CDH13: variants seen among roughly 807,000 people sequenced by gnomAD.
CDH13 encodes cadherin-13.
CDH13 carries 24 observed loss-of-function variants against 63.8 expected under a neutral mutation model. That is an observed-to-expected ratio of 0.38 (90% CI 0.27 to 0.53). CDH13 has a LOEUF of 0.53. Ranked by LOEUF, CDH13 falls within the 20% of genes least tolerant of loss-of-function variation. The pLI, the probability that CDH13 is intolerant of heterozygous loss-of-function variation, is 0.85. For missense variants in CDH13, 1,049 were observed against 903.1 expected, an observed-to-expected ratio of 1.16 and a Z score of -2.07; for synonymous variants, 503 against 355.3, an observed-to-expected ratio of 1.42 and a Z score of -4.67.
intron 6 of CDH13, among the ~76,000 whole-genome samples, chr16:83,410,501 C>G (rs1279095907): frequency 6.6e-6 from 1 of 152,028 alleles, no homozygotes; most frequent in East Asian, 1.9e-4. Flanking sequence ...AGGTTACTGG[C>G]AAATAGCATT....
At chr16:83,066,150 A>T (rs2031992260) in intron 3 of CDH13, among the ~76,000 whole-genome samples, 1 of 152,222 alleles carries the variant, frequency 6.6e-6, no homozygotes, top group Admixed American at 6.5e-5. Flanking sequence ...TGAAATTTGA[A>T]TGTGGCACCT....
rs148011270 is a variant in CDH13, at chr16:83,405,426, G to T, written c.781+60420G>T. ...AAGGGTCCTTATAAGAGGCTCACCA[G>T]TGGTCAGAGAGGAAAGGTGATGTTG... On this transcript the variant is annotated intron_variant, in intron 6 of 13. Transcript: ENST00000567109. Among the ~76,000 whole-genome samples, 254 of 152,350 alleles carry T rather than the reference G, an allele frequency of 1.7e-3. 1 individual carries two copies. The highest frequency in any genetic ancestry group is 3.2e-3 in the Non-Finnish European group (216 of 68,040).
At chr16:83,063,134 G>A (rs1198383847) in intron 3 of CDH13, among the ~76,000 whole-genome samples, 2 of 152,020 alleles carry the variant, frequency 1.3e-5, no homozygotes, top group South Asian at 2.1e-4. Flanking sequence ...GCTAATTTTT[G>A]TATTTTTAGT....
At chr16:83,227,248 C>T (rs759519146) in intron 5 of CDH13, among the ~76,000 whole-genome samples, 1 of 152,190 alleles carries the variant, frequency 6.6e-6, no homozygotes, top group Admixed American at 6.5e-5. Context: ...CCCTCTGACA[C>T]CTGTAGCACT....
chr16:83,184,580 C>G (rs2038455283), intron 4 of CDH13, among the ~76,000 whole-genome samples: 1 of 152,092 alleles, frequency 6.6e-6, no homozygotes, highest in Non-Finnish European at 1.5e-5. Flanking sequence ...CATGGTGAAA[C>G]CTCTCCTCTA....
At chr16:82,657,060 C>A (rs1408015500) in intron 1 of CDH13, among the ~76,000 whole-genome samples, 2 of 151,812 alleles carry the variant, frequency 1.3e-5, no homozygotes, top group East Asian at 1.9e-4. Context: ...ATTTGTGTTT[C>A]CTCATATAGA....
At position 83,652,600 on chromosome 16, in the gene CDH13, T is replaced by C. The variant is rs534055696; in HGVS notation, c.1102-18190T>C. On this transcript the variant is annotated intron_variant, in intron 8 of 13. Transcript: ENST00000567109. ...CCCTCTTTACTGGCCCCTCATGCCATTCACAAAGCAAGCCCTCATTCTCAA... is the reference window on the plus strand; with the variant it reads ...CCCTCTTTACTGGCCCCTCATGCCACTCACAAAGCAAGCCCTCATTCTCAA... 7.9e-5 allele frequency among the ~76,000 whole-genome samples: 12 copies of C among 152,260 alleles called. No individual in the cohort carries two copies. In the South Asian group the frequency reaches 2.5e-3, roughly 32 times the overall value.
rs1178451663 is a variant in CDH13 at position 83,678,243 on chromosome 16, G to A, written c.1320G>A (p.Leu440=). ...ATGAAATTTCTGCCTTCCACACCCT[G>A]CTGATCAAAGTGGAAAATGAAGACC... ...LDYEISAFHT[L]LIKVENEDPL... The change falls in exon 10 of 14, where the codon CTG becomes CTA. Residue 440 remains leucine, a synonymous_variant. Coordinates refer to ENST00000567109, the MANE Select transcript of CDH13 (RefSeq NM_001257.5). 2 of 1,613,800 alleles carry A rather than the reference G, an allele frequency of 1.2e-6. No homozygotes were observed. Among genetic ancestry groups the A allele is most frequent in the Non-Finnish European group, 1.7e-6 (2 of 1,179,792 alleles).
intron 1 of CDH13, among the ~76,000 whole-genome samples, chr16:82,856,133 T>G (rs894288743): frequency 3.3e-5 from 5 of 151,836 alleles, no homozygotes; most frequent in Non-Finnish European, 5.9e-5. Flanking sequence ...TCCCAGCACT[T>G]TGGGAGGCCG....
At chr16:83,427,994 C>G (rs771210321) in intron 6 of CDH13, among the ~76,000 whole-genome samples, 3 of 152,216 alleles carry the variant, frequency 2.0e-5, no homozygotes, top group African/African-American at 4.8e-5. Context: ...AGCTGATCCT[C>G]TGGTCAGTTC....
intron 6 of CDH13, among the ~76,000 whole-genome samples, chr16:83,483,688 C>G (rs1567703160): frequency 6.6e-6 from 1 of 152,160 alleles, no homozygotes; most frequent in Non-Finnish European, 1.5e-5. Flanking sequence ...AGGCCTCCTC[C>G]TATGTCTTTG....
intron 2 of CDH13, among the ~76,000 whole-genome samples, chr16:82,866,455 C>G (rs2040148723): frequency 8.0e-6 from 1 of 124,898 alleles, no homozygotes; most frequent in Non-Finnish European, 1.6e-5. Flanking sequence ...GTGGCACGAT[C>G]TCAGCTCACT....
intron 4 of CDH13, among the ~76,000 whole-genome samples, chr16:83,215,719 C>G (rs1373002549): frequency 6.6e-6 from 1 of 152,082 alleles, no homozygotes; most frequent in African/African-American, 2.4e-5. Context: ...GCCACCTAAA[C>G]CCTCCAGGCG....
At chr16:83,317,877 T>C (rs538453529) in intron 5 of CDH13, among the ~76,000 whole-genome samples, 229 of 151,616 alleles carry the variant, frequency 1.5e-3, no homozygotes, top group Non-Finnish European at 2.2e-3. Context: ...GGATCACAAA[T>C]ACGAAGTAAT....
intron 5 of CDH13, among the ~76,000 whole-genome samples, chr16:83,313,843 C>T (rs964245260): frequency 2.0e-5 from 3 of 152,124 alleles, no homozygotes; most frequent in Admixed American, 6.5e-5. Flanking sequence ...ATAAACTGAT[C>T]CTGTCTTAAT....
At chr16:83,647,795 A>G (rs1355043654) in intron 8 of CDH13, among the ~76,000 whole-genome samples, 3 of 152,170 alleles carry the variant, frequency 2.0e-5, no homozygotes, top group African/African-American at 4.8e-5. Flanking sequence ...TGGTAGGACC[A>G]AAGGGGAAGA....
chr16:83,597,745 C>G (rs1442108239), intron 7 of CDH13, among the ~76,000 whole-genome samples: 1 of 152,182 alleles, frequency 6.6e-6, no homozygotes, highest in Admixed American at 6.5e-5. Context: ...GTTAATCAGT[C>G]TATTTCTCAT....
intron 7 of CDH13, among the ~76,000 whole-genome samples, chr16:83,489,752 C>A (rs1598140402): frequency 6.6e-6 from 1 of 152,112 alleles, no homozygotes; most frequent in Admixed American, 6.5e-5. Context: ...CTGAGAAGGC[C>A]TGTCTTAGGT....
rs1370090285 is a variant in CDH13, at chr16:83,783,444, C to A, written c.2106C>A (p.Val702=). 6 of 1,613,952 alleles carry A rather than the reference C, an allele frequency of 3.7e-6. No homozygotes were observed. Among genetic ancestry groups the A allele is most frequent in the Non-Finnish European group, 5.1e-6 (6 of 1,179,828 alleles). ...CCCTGCGCTTCAGCCTGCCCTCAGTCCTGCTCCTCAGCCTCTTCAGCTTAG... is the reference window on the plus strand; with the variant it reads ...CCCTGCGCTTCAGCCTGCCCTCAGTACTGCTCCTCAGCCTCTTCAGCTTAG... ...AGALRFSLPS[V]LLLSLFSLAC... Residue 702 remains valine, a synonymous_variant, in exon 13 of 14, where the codon GTC becomes GTA. Transcript: ENST00000567109.
Sources: allele counts gnomAD v4.1 joint callset (sites outside exome capture counted in the v4.1 genomes callset), GRCh38; gene constraint gnomAD v4.1.1; transcripts MANE v1.5; gene names NCBI Gene and HGNC (gene_info 2026-07-23, HGNC 2026-07-21).